FLT4: variants seen among roughly 807,000 people sequenced by gnomAD.
The protein encoded by FLT4 is vascular endothelial growth factor receptor 3.
A neutral mutation model predicts 163.2 loss-of-function variants in FLT4; 30 were observed. The ratio of observed to expected loss-of-function variants is 0.18; its 90% CI spans 0.14 to 0.25. FLT4 has a LOEUF of 0.25. FLT4 is among the 10% of genes least tolerant of loss of function. The pLI, the probability that FLT4 is intolerant of heterozygous loss-of-function variation, is 1.00. For missense variants in FLT4, 1,510 were observed against 1,863.8 expected, an observed-to-expected ratio of 0.81 and a Z score of 3.50; for synonymous variants, 884 against 789.5, an observed-to-expected ratio of 1.12 and a Z score of -2.01.
At chr5:180,625,840 A>G (rs1378558276) in intron 10 of FLT4, 29 bp downstream of exon 10, 2 of 1,521,630 alleles carry the variant, frequency 1.3e-6, no homozygotes, top group South Asian at 2.3e-5. Context: ...GTGGCTGTGC[A>G]GGGGACCTGA....
rs753782192 is a variant in FLT4 at position 180,630,108 on chromosome 5, G to A, written c.514-3C>T. The A allele has an allele frequency of 1.9e-6, 3 of 1,612,630 alleles. No individual in the cohort carries two copies. Among genetic ancestry groups the A allele is most frequent in the Non-Finnish European group, 8.5e-7 (1 of 1,180,018 alleles). ...TCTGGCCACAGCACCGAGCTTTGCT[G>A]GAGGGACAAGGCCACCATCATTGCC... On this transcript the variant is annotated splice_polypyrimidine_tract_variant and splice_region_variant and intron_variant, in intron 4 of 29. Coordinates refer to ENST00000261937, the MANE Select transcript of FLT4 (RefSeq NM_182925.5). The surrounding 1 kb of genome is among the most constrained non-coding windows in gnomAD (Gnocchi z 6.3).
intron 23 of FLT4, among the ~76,000 whole-genome samples, chr5:180,614,430 TC>T (rs1290717463): frequency 6.6e-6 from 1 of 152,024 alleles, no homozygotes; most frequent in Non-Finnish European, 1.5e-5. Flanking sequence ...CCCCTCTCCC[TC>T]CCAGCTCTCA....
chr5:180,608,198 G>C (rs921991360), intron 29 of FLT4: 1 of 700,536 alleles, frequency 1.4e-6, no homozygotes, highest in Admixed American at 2.0e-5. Context: ...AAGAAATAGC[G>C]AAAGTCTTAA....
In FLT4 at chr5:180,636,805, T is replaced by G. The variant is rs191419769; in HGVS notation, c.59-5027A>C. ...CCTTCAGCCTCATCAAAGCCCCCACTGCTTCCTCCCCACCCCTTGGTGCCC... is the reference window on the plus strand; with the variant it reads ...CCTTCAGCCTCATCAAAGCCCCCACGGCTTCCTCCCCACCCCTTGGTGCCC... On this transcript the variant is annotated intron_variant, in intron 1 of 29. Transcript: ENST00000261937. This position sits in a 1 kb window ranked among gnomAD's most constrained non-coding sequence, Gnocchi z 4.3. 4.0e-3 allele frequency among the ~76,000 whole-genome samples: 611 copies of G among 152,076 alleles called. 19 individuals are homozygous for G. The highest frequency in any genetic ancestry group is 0.037 in the Admixed American group (558 of 15,262).
Position 180,626,327 on chromosome 5 carries a change from G to A in FLT4, c.1104-62C>T, listed in dbSNP as rs139054460. 686 of 1,572,500 alleles carry A rather than the reference G, an allele frequency of 4.4e-4. 3 individuals are homozygous for A. In the African/African-American group the frequency reaches 7.0e-3, roughly 16 times the overall value. ...CCACCACAGCCCCAACCTCATGCTG[G>A]CACCCCCACCCCAAATACAGTTGGG... On this transcript the variant is annotated intron_variant, in intron 8 of 29. Coordinates refer to ENST00000261937, the MANE Select transcript of FLT4 (RefSeq NM_182925.5).
At chr5:180,605,492 A>G (rs895425393) in intron 29 of FLT4, among the ~76,000 whole-genome samples, 6 of 152,148 alleles carry the variant, frequency 3.9e-5, no homozygotes, top group Admixed American at 1.3e-4. Context: ...TCTTATTCCT[A>G]TAACTTTGTA....
intron 28 of FLT4, chr5:180,609,692 G>A (rs1331264542): frequency 1.4e-5 from 8 of 572,774 alleles, no homozygotes; most frequent in Non-Finnish European, 1.9e-5. Flanking sequence ...GGGAGGCCTC[G>A]TGTGGGGGTG....
intron 8 of FLT4, 93 bp downstream of exon 8, chr5:180,628,789 C>T (rs568292600): frequency 1.3e-4 from 118 of 894,804 alleles, no homozygotes; most frequent in Admixed American, 1.2e-3. Flanking sequence ...CAGGTCCTGA[C>T]GGGGAGGACG....
chr5:180,608,220 T>C, intron 29 of FLT4: 1 of 700,824 alleles, frequency 1.4e-6, no homozygotes, highest in Admixed American at 2.0e-5. Flanking sequence ...GTCTTTGATC[T>C]TTCTTATAAG....
intron 28 of FLT4, 143 bp downstream of exon 28, chr5:180,609,762 G>T: frequency 9.8e-7 from 1 of 1,017,068 alleles, no homozygotes; most frequent in South Asian, 1.4e-5. Flanking sequence ...GCCCAAATGT[G>T]CCCAAGGCTC....
At chr5:180,605,889 G>T (rs915404649) in intron 29 of FLT4, among the ~76,000 whole-genome samples, 4 of 152,206 alleles carry the variant, frequency 2.6e-5, no homozygotes, top group Non-Finnish European at 5.9e-5. Flanking sequence ...TACTGAAGGG[G>T]CTGGATGATG....
chr5:180,627,901 C>A (rs964270667), intron 8 of FLT4, among the ~76,000 whole-genome samples: 1 of 152,156 alleles, frequency 6.6e-6, no homozygotes, highest in South Asian at 2.1e-4. Flanking sequence ...CTTGGATGGA[C>A]ACCGAAGTCT....
chr5:180,649,145 G>A (rs1323080960), intron 1 of FLT4, among the ~76,000 whole-genome samples: 1 of 151,850 alleles, frequency 6.6e-6, no homozygotes, highest in Non-Finnish European at 1.5e-5. Flanking sequence ...AAGCGAGTAA[G>A]GGCGCGAAGG....
At chr5:180,648,616 C>T (rs1042124862) in intron 1 of FLT4, among the ~76,000 whole-genome samples, 1 of 152,194 alleles carries the variant, frequency 6.6e-6, no homozygotes, top group Non-Finnish European at 1.5e-5. Flanking sequence ...ATCTTCTCAG[C>T]TTCCTCCCTG....
chr5:180,649,624 TGGGGC>T (rs908085275), upstream of FLT4: 86 of 642,586 alleles, frequency 1.3e-4, no homozygotes, highest in South Asian at 4.4e-4. Flanking sequence ...CCGGCTGGCC[TGGGGC>T]GGGGCGGGGC....
Position 180,616,942 on chromosome 5 carries a change from G to A in FLT4, c.3054C>T (p.Ser1018=), listed in dbSNP as rs1762741411. 6.2e-7 allele frequency: 1 copy of A among 1,613,318 alleles called. No individual in the cohort carries two copies. Among genetic ancestry groups the A allele is most frequent in the African/African-American group, 1.3e-5 (1 of 74,884 alleles). ...PLTMEDLVCY[S]FQVARGMEFL... ...ACTCCATCCCTCTGGCCACCTGGAA[G>A]CTGTAGCAGACAAGATCTTCCATGG... The change falls in exon 22 of 30, where the codon AGC becomes AGT. Residue 1018 remains serine (S), a synonymous_variant. Coordinates refer to ENST00000261937, the MANE Select transcript of FLT4 (RefSeq NM_182925.5).
Position 180,620,842 on chromosome 5 carries a change from G to A in FLT4, c.2299+34C>T, listed in dbSNP as rs140359608. 1 of 1,609,768 alleles carries A rather than the reference G, an allele frequency of 6.2e-7. No individual in the cohort carries two copies. Among genetic ancestry groups the A allele is most frequent in the African/African-American group, 1.3e-5 (1 of 75,012 alleles). ...ACAAGAAAGCGTTAACTGGGGACGG[G>A]AAGGGAGTTGAGGGGTGCAGCCTGA... is the stretch of plus-strand genomic sequence containing the variant. On this transcript the variant is annotated intron_variant, in intron 15 of 29. Transcript: ENST00000261937. This position sits in a 1 kb window ranked among gnomAD's most constrained non-coding sequence, Gnocchi z 4.4.
intron 1 of FLT4, among the ~76,000 whole-genome samples, chr5:180,648,808 G>C (rs1336411495): frequency 6.6e-6 from 1 of 152,162 alleles, no homozygotes; most frequent in Non-Finnish European, 1.5e-5. Context: ...GCTGGCCTTC[G>C]AGGCCCCTGT....
chr5:180,630,221 G>A lies in FLT4; in HGVS notation c.513+4C>T, dbSNP rs534982008. ...CGGATGCTGGGGTTGGGGTGGGGCCGTACCGAGCGCAGCGTGACATTGAGG... is the reference window on the plus strand; with the variant it reads ...CGGATGCTGGGGTTGGGGTGGGGCCATACCGAGCGCAGCGTGACATTGAGG... On this transcript the variant is annotated splice_donor_region_variant and intron_variant, in intron 4 of 29. Coordinates refer to ENST00000261937, the MANE Select transcript of FLT4 (RefSeq NM_182925.5). The surrounding 1 kb of genome is among the most constrained non-coding windows in gnomAD (Gnocchi z 6.3). 1.1e-5 allele frequency: 18 copies of A among 1,611,286 alleles called. No individual in the cohort carries two copies. In the Admixed American group the frequency reaches 1.5e-4, roughly 13 times the overall value.
Sources: gnomAD v4.1 joint callset for allele counts (sites outside exome capture counted in the v4.1 genomes callset) on GRCh38, gnomAD v4.1.1 for gene constraint, Gnocchi (gnomAD v3.1) non-coding constraint, MANE v1.5 for transcripts, NCBI Gene and HGNC (gene_info 2026-07-23, HGNC 2026-07-21) for gene names.